WDR72: variants seen among roughly 807,000 people sequenced by gnomAD.
The protein encoded by WDR72 is WD repeat-containing protein 72.
A neutral mutation model predicts 124.2 loss-of-function variants in WDR72; 120 were observed. That is an observed-to-expected ratio of 0.97 (90% CI 0.83 to 1.12). The LOEUF (loss-of-function observed/expected upper bound fraction) is 1.12, where lower values mean the gene tolerates loss of function less well. WDR72 is among the 50% of genes most tolerant of loss of function. The pLI, the probability that WDR72 is intolerant of heterozygous loss-of-function variation, is 0.00. For synonymous variants in WDR72, 452 were observed against 441.7 expected, an observed-to-expected ratio of 1.02 and a Z score of -0.29; for missense variants, 1,387 against 1,278.8, an observed-to-expected ratio of 1.08 and a Z score of -1.29.
At chr15:53,584,533 T>C (rs972530904) in intron 18 of WDR72, among the ~76,000 whole-genome samples, 4 of 151,918 alleles carry the variant, frequency 2.6e-5, no homozygotes, top group Non-Finnish European at 5.9e-5. Flanking sequence ...TAAGAAAAAA[T>C]ACTGCTCTAC....
At chr15:53,693,274 G>A (rs2016899647) in intron 13 of WDR72, among the ~76,000 whole-genome samples, 2 of 152,148 alleles carry the variant, frequency 1.3e-5, no homozygotes, top group Non-Finnish European at 2.9e-5. Flanking sequence ...TAAAACCTGT[G>A]GACTGGCAAA....
intron 13 of WDR72, among the ~76,000 whole-genome samples, chr15:53,681,003 G>T (rs1251083214): frequency 1.3e-5 from 2 of 152,208 alleles, no homozygotes; most frequent in Non-Finnish European, 2.9e-5. Flanking sequence ...CCCAAGCCAA[G>T]GACTTGACCT....
At chr15:53,521,928 C>A (rs767853460) in intron 19 of WDR72, among the ~76,000 whole-genome samples, 1 of 152,002 alleles carries the variant, frequency 6.6e-6, no homozygotes, top group Non-Finnish European at 1.5e-5. Flanking sequence ...TGAGACTCAT[C>A]TACATTTTTC....
At chr15:53,697,367 G>T (rs2459377) in intron 13 of WDR72, among the ~76,000 whole-genome samples, 2 of 152,108 alleles carry the variant, frequency 1.3e-5, no homozygotes, top group Admixed American at 1.3e-4. Flanking sequence ...AATTAATGGA[G>T]GTGACTGCAG....
chr15:53,536,679 C>T (rs1259363289), intron 18 of WDR72, among the ~76,000 whole-genome samples: 1 of 152,204 alleles, frequency 6.6e-6, no homozygotes, highest in Non-Finnish European at 1.5e-5. Flanking sequence ...GTAACATGGT[C>T]AGCCTCCAAA....
chr15:53,636,972 A>G (rs1005098245), intron 14 of WDR72, among the ~76,000 whole-genome samples: 1 of 152,188 alleles, frequency 6.6e-6, no homozygotes, highest in Non-Finnish European at 1.5e-5. Flanking sequence ...ATTAAGTTCT[A>G]GAACATTTCT....
At chr15:53,756,170 T>TA (rs751190832) in intron 1 of WDR72, among the ~76,000 whole-genome samples, 1 of 152,020 alleles carries the variant, frequency 6.6e-6, no homozygotes, top group Admixed American at 6.6e-5. Flanking sequence ...CAGTGGGAGG[T>TA]AATTGAATCA....
At chr15:53,606,044 G>A (rs1042801857) in intron 17 of WDR72, among the ~76,000 whole-genome samples, 1 of 152,106 alleles carries the variant, frequency 6.6e-6, no homozygotes, top group African/African-American at 2.4e-5. Flanking sequence ...TTGAAGTCTG[G>A]ACTTCCTGTA....
At chr15:53,707,375 C>T (rs1038108049) in intron 9 of WDR72, among the ~76,000 whole-genome samples, 7 of 151,932 alleles carry the variant, frequency 4.6e-5, no homozygotes, top group African/African-American at 9.7e-5. Context: ...CCAACCAAGA[C>T]GTATAATTAA....
At chr15:53,622,611 G>T (rs998948255) in intron 14 of WDR72, among the ~76,000 whole-genome samples, 1 of 152,006 alleles carries the variant, frequency 6.6e-6, no homozygotes, top group Admixed American at 6.6e-5. Flanking sequence ...AACACACACA[G>T]TGGGGGCAGT....
chr15:53,541,614 T>C lies in WDR72; in HGVS notation c.3149-18292A>G, dbSNP rs1404327653. 4.6e-5 allele frequency among the ~76,000 whole-genome samples: 7 copies of C among 151,768 alleles called. No homozygotes were observed. The East Asian group carries it at 5.8e-4, about 13-fold the overall frequency. ...TCCTCCTCCAAAGGAACGCAGTTCCTCACCAGCAACGGAACAAAGCTGGAT... is the reference window on the plus strand; with the variant it reads ...TCCTCCTCCAAAGGAACGCAGTTCCCCACCAGCAACGGAACAAAGCTGGAT... On this transcript the variant is annotated intron_variant, in intron 18 of 19. Transcript: ENST00000360509.
chr15:53,567,884 A>G (rs903657995), intron 18 of WDR72, among the ~76,000 whole-genome samples: 7 of 151,662 alleles, frequency 4.6e-5, no homozygotes, highest in African/African-American at 1.7e-4. Context: ...CAACAGATAA[A>G]AAACAAATAA....
chr15:53,659,394 T>C (rs1009938259), intron 14 of WDR72, among the ~76,000 whole-genome samples: 4 of 152,116 alleles, frequency 2.6e-5, no homozygotes, highest in African/African-American at 9.7e-5. Context: ...CCTAGCACCA[T>C]GAAATAGGAG....
At chr15:53,624,081 T>G (rs2014113733) in intron 14 of WDR72, among the ~76,000 whole-genome samples, 1 of 152,134 alleles carries the variant, frequency 6.6e-6, no homozygotes, top group African/African-American at 2.4e-5. Context: ...TATAAGACAT[T>G]TGTTGGGTGC....
intron 2 of WDR72, among the ~76,000 whole-genome samples, chr15:53,725,004 G>C (rs1442776445): frequency 6.6e-6 from 1 of 151,568 alleles, no homozygotes; most frequent in Non-Finnish European, 1.5e-5. Flanking sequence ...AAAAGATCAA[G>C]AAAATAAGAA....
rs796948790 is a variant in WDR72 at position 53,517,242 on chromosome 15, ACAAAT to A, written c.*452_*456del. The A allele has an allele frequency of 1.7e-3, 277 of 166,980 alleles. 2 individuals carry two copies. Among genetic ancestry groups the A allele is most frequent in the African/African-American group, 6.5e-3 (269 of 41,702 alleles). 10.3% of individuals were successfully genotyped at this position (166,980 alleles called of 1,614,324 possible). ...CACTAAAACAAAATATCCTAACCAG[ACAAAT>A]CAAAGTTGGTAAAATTTTAGATTAA... On this transcript the variant is annotated 3_prime_UTR_variant, in exon 20 of 20. Coordinates refer to ENST00000360509, the MANE Select transcript of WDR72 (RefSeq NM_182758.4).
intron 13 of WDR72, among the ~76,000 whole-genome samples, chr15:53,679,076 C>G (rs58995229): frequency 6.6e-6 from 1 of 152,180 alleles, no homozygotes; most frequent in Admixed American, 6.5e-5. Flanking sequence ...TTGCATGATT[C>G]CACTTATATG....
Position 53,723,049 on chromosome 15 carries a change from A to G in WDR72, c.154-141T>C, listed in dbSNP as rs2017923330. 5.3e-6 allele frequency: 4 copies of G among 750,714 alleles called. No individual in the cohort carries two copies. The East Asian group carries it at 1.1e-4, about 20-fold the overall frequency. The allele number at this position is 750,714 out of a possible 1,614,324, so 46.5% of individuals were successfully genotyped here. A position where few individuals can be genotyped will look rare whatever the true frequency, so the allele number is the denominator to read the frequency against. Reference sequence around the variant, plus strand: ...AGTTTTAAGAAAACTGATATATGTAATAACAACATCCACAGAGTAATAAAC... The same window carrying G: ...AGTTTTAAGAAAACTGATATATGTAGTAACAACATCCACAGAGTAATAAAC... On this transcript the variant is annotated intron_variant, in intron 2 of 19. Coordinates refer to ENST00000360509, the MANE Select transcript of WDR72 (RefSeq NM_182758.4).
At chr15:53,680,575 C>T (rs961107922) in intron 13 of WDR72, among the ~76,000 whole-genome samples, 7 of 152,222 alleles carry the variant, frequency 4.6e-5, no homozygotes, top group Non-Finnish European at 4.4e-5. Context: ...CGGGGTAAAT[C>T]ATGGGTTAAA....
Sources: allele counts gnomAD v4.1 joint callset (sites outside exome capture counted in the v4.1 genomes callset), GRCh38; gene constraint gnomAD v4.1.1; transcripts MANE v1.5; gene names NCBI Gene and HGNC (gene_info 2026-07-23, HGNC 2026-07-21).